CHFR: variants seen among roughly 807,000 people sequenced by gnomAD.
The protein encoded by CHFR is E3 ubiquitin-protein ligase CHFR.
CHFR carries 57 observed loss-of-function variants against 87.6 expected under a neutral mutation model. The ratio of observed to expected loss-of-function variants is 0.65; its 90% CI spans 0.53 to 0.81. CHFR has a LOEUF of 0.81. Ranked by LOEUF, CHFR falls within the 30% of genes least tolerant of loss-of-function variation. The pLI, the probability that CHFR is intolerant of heterozygous loss-of-function variation, is 0.00. For synonymous variants in CHFR, 381 were observed against 359.2 expected (o/e 1.06, Z -0.69); for missense variants, 797 against 865.8 (o/e 0.92, Z 1.00).
chr12:132,841,710 CAGAA>C, intron 17 of CHFR, 114 bp from the exon 18 acceptor site: 1 of 841,202 alleles, frequency 1.2e-6, no homozygotes, highest in Non-Finnish European at 2.1e-6. Flanking sequence ...AAACCATACA[CAGAA>C]AGAGCTACCT....
chr12:132,835,305 A>C lies in CHFR; in HGVS notation c.*6249T>G, dbSNP rs911216767. 1.9e-4 allele frequency: 29 copies of C among 152,150 alleles called. No homozygotes were observed. The highest frequency in any genetic ancestry group is 6.8e-4 in the African/African-American group (28 of 41,402). The allele number at this position is 152,150 out of a possible 1,614,324, so 9.4% of individuals were successfully genotyped here. A position where few individuals can be genotyped will look rare whatever the true frequency, so the allele number is the denominator to read the frequency against. On this transcript the variant is annotated 3_prime_UTR_variant, in exon 18 of 18. Transcript: ENST00000450056. ...TTTTTATAAAACCCCGTGGCGTGCG[A>C]GCTTTGATGGCAGAGTGTTACAATA...
At chr12:132,858,610 C>A (rs1452376372) in intron 8 of CHFR, among the ~76,000 whole-genome samples, 1 of 150,768 alleles carries the variant, frequency 6.6e-6, no homozygotes, top group Non-Finnish European at 1.5e-5. Flanking sequence ...CGCCTGCAGT[C>A]CCAGCTGCTC....
rs754035414 is a variant in CHFR, at chr12:132,851,651, G to A, written c.1459C>T (p.Arg487Cys). Reference sequence around the variant, plus strand: ...GGGGCGACACGCGGGTCCTGCTCGCGCTCCGCTCTCCGGTCGGGCATGGGC... The same window carrying A: ...GGGGCGACACGCGGGTCCTGCTCGCACTCCGCTCTCCGGTCGGGCATGGGC... ...FQPMPDRRAE[R>C]EQDPRVAPQQ... The change falls in exon 12 of 18, where the codon CGC becomes TGC. Residue 487 changes from arginine to cysteine, a missense_variant. Around this residue, in one of 2 missense-constraint regions of CHFR, gnomAD observed 200 missense variants for 264.6 expected, o/e 0.76. Coordinates refer to ENST00000450056, the MANE Select transcript of CHFR (RefSeq NM_001161346.2). 47 of 1,612,754 alleles carry A rather than the reference G, an allele frequency of 2.9e-5. No individual in the cohort carries two copies. The highest frequency in any genetic ancestry group is 1.6e-4 in the South Asian group (15 of 91,066).
In CHFR at chr12:132,847,085, C is replaced by CG; in HGVS notation, c.1692dup (p.Glu565ArgfsTer15). The CG allele has an allele frequency of 1.9e-6, 3 of 1,613,762 alleles. No individual in the cohort carries two copies. The highest frequency in any genetic ancestry group is 2.5e-6 in the Non-Finnish European group (3 of 1,179,862). On this transcript the variant is annotated frameshift_variant, in exon 15 of 18. Coordinates refer to ENST00000450056, the MANE Select transcript of CHFR (RefSeq NM_001161346.2). LOFTEE classifies it high-confidence loss of function. The stretch of plus-strand genomic sequence containing the variant: ...CCCCGCTGGAGAGCCACGAGGCTCT[C>CG]GGTCAACATGTTTTTCCATGTCAAA...
rs111820152 is a variant in CHFR, at chr12:132,841,395, G to A, written c.*159C>T. 21 of 603,918 alleles carry A rather than the reference G, an allele frequency of 3.5e-5. 2 individuals carry two copies. Among genetic ancestry groups the A allele is most frequent in the African/African-American group, 2.3e-4 (12 of 52,352 alleles). The allele number at this position is 603,918 out of a possible 1,614,324, so 37.4% of individuals were successfully genotyped here. On this transcript the variant is annotated 3_prime_UTR_variant, in exon 18 of 18. Coordinates refer to ENST00000450056, the MANE Select transcript of CHFR (RefSeq NM_001161346.2). The stretch of plus-strand genomic sequence containing the variant: ...CTCTGGGGAGGGTCTCACTCAGAGG[G>A]TAAAGCTCCACAGAAGAGTCACCCC...
chr12:132,872,532 T>C (rs912384112), intron 3 of CHFR, 138 bp from the exon 4 acceptor site: 20 of 623,890 alleles, frequency 3.2e-5, no homozygotes, highest in Non-Finnish European at 5.2e-5. Context: ...TACGTAACGA[T>C]GCACACATCC....
At position 132,857,120 on chromosome 12, in the gene CHFR, G is replaced by A. The variant is rs537271543; in HGVS notation, c.1066+285C>T. The stretch of plus-strand genomic sequence containing the variant: ...GGAGGGACAGCCCTCACGTGCCCGG[G>A]TGCTGGTGGAGGGACAGCCCTCACG... On this transcript the variant is annotated intron_variant, in intron 9 of 17. Transcript: ENST00000450056. Among the ~76,000 whole-genome samples, 11 of 135,496 alleles carry A rather than the reference G, an allele frequency of 8.1e-5. No individual in the cohort carries two copies. In the East Asian group the frequency reaches 2.3e-3, roughly 29 times the overall value. The allele number at this position is 135,496 out of a possible 152,430, so 88.9% of individuals were successfully genotyped here.
intron 2 of CHFR, among the ~76,000 whole-genome samples, chr12:132,881,080 A>G (rs746652873): frequency 4.6e-5 from 7 of 152,118 alleles, no homozygotes; most frequent in Non-Finnish European, 1.0e-4. Flanking sequence ...CAGCCTGGCC[A>G]ACAGGATGAG....
At chr12:132,859,275 C>T (rs75449706) in intron 7 of CHFR, 48 bp from the exon 8 acceptor site, 110,725 of 1,560,138 alleles carry the variant, frequency 0.071, 4,559 homozygotes, top group South Asian at 0.12. Flanking sequence ...AGGAAATACA[C>T]GCAGGTTCAG....
intron 16 of CHFR, among the ~76,000 whole-genome samples, 170 bp downstream of exon 16, chr12:132,843,856 GA>G (rs1227998461): frequency 6.6e-6 from 1 of 151,920 alleles, no homozygotes; most frequent in Non-Finnish European, 1.5e-5. Context: ...GGCTAAGGCA[GA>G]AGAATTGCTC....
chr12:132,848,446 G>A, intron 13 of CHFR, 195 bp downstream of exon 13: 1 of 693,576 alleles, frequency 1.4e-6, no homozygotes, highest in Non-Finnish European at 2.5e-6. Flanking sequence ...TAATAATTCT[G>A]TTAAGGCTTG....
In CHFR at chr12:132,872,382, T is replaced by C. The variant is rs138320999; in HGVS notation, c.246A>G (p.Thr82=). 7.9e-4 allele frequency: 1,273 copies of C among 1,610,728 alleles called. 1 individual carries two copies. Among genetic ancestry groups the C allele is most frequent in the Non-Finnish European group, 1.0e-3 (1,220 of 1,176,940 alleles). ...TAACAACCTTCAGCTTGTTAATCACTGTTCCACTGGTGCTGTAAAAAAACA... is the reference window on the plus strand; with the variant it reads ...TAACAACCTTCAGCTTGTTAATCACCGTTCCACTGGTGCTGTAAAAAAACA... ...VTLEDTSTSG[T]VINKLKVVKK... The change falls in exon 4 of 18, where the codon ACA becomes ACG. Residue 82 remains threonine, a synonymous_variant. Transcript: ENST00000450056.
intron 17 of CHFR, 74 bp from the exon 18 acceptor site, chr12:132,841,670 T>A: frequency 8.2e-7 from 1 of 1,213,374 alleles, no homozygotes; most frequent in South Asian, 1.2e-5. Flanking sequence ...CAACAGAGCA[T>A]CAGAAAGGCA....
At chr12:132,844,262 A>C (rs1950762695) in intron 15 of CHFR, 128 bp from the exon 16 acceptor site, 2 of 636,122 alleles carry the variant, frequency 3.1e-6, no homozygotes, top group Non-Finnish European at 5.8e-6. Flanking sequence ...ACATTAGGAA[A>C]ATAAGAACAA....
chr12:132,857,969 C>T (rs1390143353), intron 8 of CHFR, among the ~76,000 whole-genome samples: 8 of 152,188 alleles, frequency 5.3e-5, no homozygotes, highest in African/African-American at 1.4e-4. Flanking sequence ...GCAGAGTTCA[C>T]GGGGTCACAC....
intron 13 of CHFR, 134 bp downstream of exon 13, chr12:132,848,507 G>A (rs1950874105): frequency 1.2e-5 from 9 of 723,532 alleles, no homozygotes; most frequent in Admixed American, 2.4e-5. Flanking sequence ...GCCAGGAATA[G>A]GTATCATTTG....
At position 132,838,997 on chromosome 12, in the gene CHFR, T is replaced by G. The variant is rs1950669333; in HGVS notation, c.*2557A>C. 6.6e-6 allele frequency: 1 copy of G among 152,230 alleles called. No individual in the cohort carries two copies. The highest frequency in any genetic ancestry group is 1.5e-5 in the Non-Finnish European group (1 of 68,118). The allele number at this position is 152,230 out of a possible 1,614,324, so 9.4% of individuals were successfully genotyped here. On this transcript the variant is annotated 3_prime_UTR_variant, in exon 18 of 18. Coordinates refer to ENST00000450056, the MANE Select transcript of CHFR (RefSeq NM_001161346.2). ...CCGACTGCTCCAGGTAGAAATCCTCTTCACAGTGGGCCAGGAGTTGGACTT... is the reference window on the plus strand; with the variant it reads ...CCGACTGCTCCAGGTAGAAATCCTCGTCACAGTGGGCCAGGAGTTGGACTT...
intron 17 of CHFR, 37 bp downstream of exon 17, chr12:132,842,974 C>T (rs767887460): frequency 1.3e-6 from 2 of 1,565,500 alleles, no homozygotes; most frequent in Admixed American, 3.6e-5. Context: ...TCATTCATCA[C>T]TCTGTAGCTG....
rs11147105 is a variant in CHFR at position 132,836,447 on chromosome 12, A to C, written c.*5107T>G. 53,935 of 227,078 alleles carry C rather than the reference A, an allele frequency of 0.24. 9,681 individuals are homozygous for C. Among genetic ancestry groups the C allele is most frequent in the South Asian group, 0.31 (8,925 of 28,822 alleles). The allele number at this position is 227,078 out of a possible 1,614,324, so 14.1% of individuals were successfully genotyped here. A position where few individuals can be genotyped will look rare whatever the true frequency, so the allele number is the denominator to read the frequency against. On this transcript the variant is annotated 3_prime_UTR_variant, in exon 18 of 18. Transcript: ENST00000450056. ...ACAGGCTCCCAGCACGGCGCACGGC[A>C]CTCACAGTGACAGGCTCCCAGCAGG...
Sources: gnomAD v4.1 joint callset for allele counts (sites outside exome capture counted in the v4.1 genomes callset) on GRCh38, gnomAD v4.1.1 for gene constraint, gnomAD v4.1.1 regional missense constraint, MANE v1.5 for transcripts, NCBI Gene and HGNC (gene_info 2026-07-23, HGNC 2026-07-21) for gene names.